The following PTPRQ variants were observed in gnomAD, a reference collection of about 807,000 sequenced individuals.
The protein encoded by PTPRQ is phosphatidylinositol phosphatase PTPRQ.
PTPRQ carries 199 observed loss-of-function variants against 246.0 expected under a neutral mutation model. The ratio of observed to expected loss-of-function variants is 0.81; its 90% confidence interval spans 0.72 to 0.91. The LOEUF (loss-of-function observed/expected upper bound fraction) is 0.91, where lower values mean the gene tolerates loss of function less well. PTPRQ is among the 40% of genes least tolerant of loss of function. The pLI, the probability that PTPRQ is intolerant of heterozygous loss-of-function variation, is 0.00. For synonymous variants in PTPRQ, 869 were observed against 853.2 expected (o/e 1.02, Z -0.32); for missense variants, 2,624 against 2,528.4 (o/e 1.04, Z -0.81).
chr12:80,485,703 T>G (rs1219545594), intron 9 of PTPRQ, among the ~76,000 whole-genome samples: 1 of 152,158 alleles, frequency 6.6e-6, no homozygotes, highest in African/African-American at 2.4e-5. Flanking sequence ...TGTGATACTC[T>G]GGTTGACAAC....
intron 26 of PTPRQ, among the ~76,000 whole-genome samples, chr12:80,596,225 G>C (rs1897965748): frequency 6.6e-6 from 1 of 151,850 alleles, no homozygotes; most frequent in Non-Finnish European, 1.5e-5. Context: ...ATGATAGAAA[G>C]CATATAACAT....
At chr12:80,662,875 G>C (rs1900674920) in intron 39 of PTPRQ, among the ~76,000 whole-genome samples, 1 of 151,956 alleles carries the variant, frequency 6.6e-6, no homozygotes, top group East Asian at 1.9e-4. Flanking sequence ...TTTCCTCTCA[G>C]AAAAACTCAA....
At chr12:80,585,071 C>T (rs984048522) in intron 25 of PTPRQ, among the ~76,000 whole-genome samples, 1 of 151,310 alleles carries the variant, frequency 6.6e-6, no homozygotes, top group South Asian at 2.1e-4. Context: ...AACTGAAGTC[C>T]AGACCTCTCT....
chr12:80,455,616 A>T, intron 3 of PTPRQ, among the ~76,000 whole-genome samples: 1 of 142,306 alleles, frequency 7.0e-6, no homozygotes. Context: ...TTTGAGATGG[A>T]CTCTCGCTCT....
At position 80,615,435 on chromosome 12, in the gene PTPRQ, C is replaced by T. The variant is rs376631734; in HGVS notation, c.5164-765C>T. On this transcript the variant is annotated intron_variant, in intron 29 of 44. Coordinates refer to ENST00000644991, the MANE Select transcript of PTPRQ (RefSeq NM_001145026.2). ...GGTTTATCGAGTACAATGAAATAAG[C>T]CAAGAATATAGTCTCTGTTTAATAT... Among the ~76,000 whole-genome samples, 88 of 150,900 alleles carry T rather than the reference C, an allele frequency of 5.8e-4. 1 individual carries two copies. The highest frequency in any genetic ancestry group is 2.0e-3 in the African/African-American group (83 of 41,312).
intron 27 of PTPRQ, among the ~76,000 whole-genome samples, chr12:80,605,947 G>A (rs1193133535): frequency 6.6e-6 from 1 of 151,084 alleles, no homozygotes; most frequent in East Asian, 2.0e-4. Context: ...AAGGAGACAG[G>A]AAACTATAAA....
At chr12:80,676,816 A>T (rs1002931705) in intron 43 of PTPRQ, among the ~76,000 whole-genome samples, 6 of 152,192 alleles carry the variant, frequency 3.9e-5, no homozygotes, top group African/African-American at 1.4e-4. Flanking sequence ...AAAAAAAGTC[A>T]ACATATTTTG....
intron 28 of PTPRQ, among the ~76,000 whole-genome samples, chr12:80,610,941 C>G (rs1249743920): frequency 6.7e-6 from 1 of 150,296 alleles, no homozygotes; most frequent in East Asian, 1.9e-4. Context: ...GATAATATTT[C>G]CAACTGTCTA....
intron 8 of PTPRQ, among the ~76,000 whole-genome samples, chr12:80,480,895 C>T (rs1188834736): frequency 6.6e-6 from 1 of 152,086 alleles, no homozygotes; most frequent in Non-Finnish European, 1.5e-5. Context: ...GCTTACCAAC[C>T]AAAAAGAGTC....
At position 80,576,463 on chromosome 12, in the gene PTPRQ, A is replaced by T. The variant is rs560652201; in HGVS notation, c.4286-11666A>T. Among the ~76,000 whole-genome samples, 3 of 152,254 alleles carry T rather than the reference A, an allele frequency of 2.0e-5. No individual in the cohort carries two copies. In the South Asian group the frequency reaches 6.2e-4, roughly 32 times the overall value. The stretch of plus-strand genomic sequence containing the variant: ...GCGAGCCAGTTTTTAGAAGAAAAAA[A>T]AAAAGATATTTTAAATAACATTCAA... On this transcript the variant is annotated intron_variant, in intron 25 of 44. Coordinates refer to ENST00000644991, the MANE Select transcript of PTPRQ (RefSeq NM_001145026.2).
intron 42 of PTPRQ, 45 bp from the exon 43 acceptor site, chr12:80,673,124 C>T: frequency 6.5e-7 from 1 of 1,543,414 alleles, no homozygotes; most frequent in Non-Finnish European, 8.7e-7. Flanking sequence ...TCAAAATGAA[C>T]AACCCTTTGC....
At chr12:80,564,092 A>G (rs575140345) in intron 25 of PTPRQ, among the ~76,000 whole-genome samples, 8 of 150,346 alleles carry the variant, frequency 5.3e-5, no homozygotes, top group African/African-American at 2.0e-4. Flanking sequence ...TCTTTTATTT[A>G]TTTATTTTTA....
intron 17 of PTPRQ, among the ~76,000 whole-genome samples, chr12:80,516,387 C>G (rs73147043): frequency 0.18 from 26,745 of 152,042 alleles, 2,534 homozygotes; most frequent in Middle Eastern, 0.24. Flanking sequence ...AAATGTTTCT[C>G]AATTTTCTTA....
chr12:80,563,370 T>G (rs1479495995), intron 25 of PTPRQ, among the ~76,000 whole-genome samples: 2 of 151,762 alleles, frequency 1.3e-5, no homozygotes, highest in African/African-American at 4.8e-5. Flanking sequence ...ATCCCACTCG[T>G]GAGGGCAGAG....
intron 8 of PTPRQ, among the ~76,000 whole-genome samples, chr12:80,477,685 C>T (rs1028783566): frequency 4.6e-5 from 7 of 152,198 alleles, no homozygotes; most frequent in East Asian, 1.9e-4. Flanking sequence ...GTGTGCGAGC[C>T]GAAGCAGGGC....
Position 80,464,987 on chromosome 12 carries a change from C to A in PTPRQ, c.911-3723C>A, listed in dbSNP as rs1274099903. 4.2e-5 allele frequency among the ~76,000 whole-genome samples: 3 copies of A among 70,752 alleles called. No homozygotes were observed. The South Asian group carries it at 1.7e-3, about 41-fold the overall frequency. 46.4% of individuals were successfully genotyped at this position (70,752 alleles called of 152,430 possible). On this transcript the variant is annotated intron_variant, in intron 6 of 44. Transcript: ENST00000644991. ...AACACATTCATAAGCTAGCAGAAGG[C>A]AAGAAATAACTAAAATCAGAGCAGA...
intron 17 of PTPRQ, among the ~76,000 whole-genome samples, chr12:80,532,910 A>G (rs1050279066): frequency 6.6e-6 from 1 of 152,172 alleles, no homozygotes; most frequent in Non-Finnish European, 1.5e-5. Flanking sequence ...CATGACTGAA[A>G]TGTATCTCTG....
At chr12:80,471,712 C>G (rs1293865162) in intron 7 of PTPRQ, among the ~76,000 whole-genome samples, 1 of 150,416 alleles carries the variant, frequency 6.6e-6, no homozygotes, top group Admixed American at 6.6e-5. Flanking sequence ...CTCCTGACCT[C>G]GTGATCCGCC....
intron 25 of PTPRQ, among the ~76,000 whole-genome samples, chr12:80,575,852 AAAAAAG>A (rs1486042575): frequency 3.3e-5 from 5 of 150,778 alleles, no homozygotes; most frequent in Admixed American, 6.6e-5. Flanking sequence ...AAAAAAAAAA[AAAAAAG>A]AAAAAAGAAA....
Sources: gnomAD v4.1 joint callset for allele counts (sites outside exome capture counted in the v4.1 genomes callset) on GRCh38, gnomAD v4.1.1 for gene constraint, MANE v1.5 for transcripts, NCBI Gene and HGNC (gene_info 2026-07-23, HGNC 2026-07-21) for gene names.